The following PTTG1IP2 variants were observed in gnomAD, a reference collection of about 807,000 sequenced individuals.
The protein encoded by PTTG1IP2 is PTTG1IP family member 2.
At chr7:90,482,118 T>G (rs960733731) in intron 2 of PTTG1IP2, among the ~76,000 whole-genome samples, 1 of 152,112 alleles carries the variant, frequency 6.6e-6, no homozygotes, top group African/African-American at 2.4e-5. Flanking sequence ...TCCCAGAAGT[T>G]GGAAGGATGC....
chr7:90,502,402 C>T (rs956577011), intron 6 of PTTG1IP2, among the ~76,000 whole-genome samples: 5 of 152,228 alleles, frequency 3.3e-5, no homozygotes, highest in Admixed American at 2.6e-4. Flanking sequence ...TTTTGACATC[C>T]TCCCATGAAT....
chr7:90,487,107 G>C (rs1751971760), intron 2 of PTTG1IP2, among the ~76,000 whole-genome samples: 1 of 152,200 alleles, frequency 6.6e-6, no homozygotes, highest in Non-Finnish European at 1.5e-5. Flanking sequence ...AAGAAGAGGG[G>C]AAGCTGTGAG....
intron 2 of PTTG1IP2, among the ~76,000 whole-genome samples, 171 bp downstream of exon 2, chr7:90,479,445 C>T (rs753992920): frequency 3.3e-5 from 5 of 151,732 alleles, no homozygotes; most frequent in African/African-American, 4.8e-5. Flanking sequence ...CTTTGAGGAT[C>T]TAGAAATAAA....
At chr7:90,474,183 G>A (rs1309496435) in intron 1 of PTTG1IP2, among the ~76,000 whole-genome samples, 1 of 152,150 alleles carries the variant, frequency 6.6e-6, no homozygotes, top group East Asian at 1.9e-4. Context: ...AATACTGCAG[G>A]CAATTGTAAC....
intron 1 of PTTG1IP2, among the ~76,000 whole-genome samples, chr7:90,475,743 G>A (rs1042042696): frequency 2.3e-4 from 35 of 152,090 alleles, no homozygotes; most frequent in African/African-American, 8.4e-4. Flanking sequence ...GGTGGATCAC[G>A]AGGTCAGGAG....
chr7:90,482,049 A>G (rs1468844833), intron 2 of PTTG1IP2, among the ~76,000 whole-genome samples: 1 of 152,196 alleles, frequency 6.6e-6, no homozygotes, highest in Non-Finnish European at 1.5e-5. Context: ...ACTAAAAGAT[A>G]ATTCCACATG....
chr7:90,480,697 C>A (rs1797806343), intron 2 of PTTG1IP2, among the ~76,000 whole-genome samples: 1 of 152,072 alleles, frequency 6.6e-6, no homozygotes, highest in Non-Finnish European at 1.5e-5. Context: ...ATAAATTTGT[C>A]TTGTTGAGTC....
At chr7:90,475,085 A>C (rs968167040) in intron 1 of PTTG1IP2, among the ~76,000 whole-genome samples, 3 of 152,180 alleles carry the variant, frequency 2.0e-5, no homozygotes, top group Non-Finnish European at 4.4e-5. Flanking sequence ...CCTGCCCCCA[A>C]GTCCCATGGA....
At chr7:90,473,729 T>C (rs1797715770) in intron 1 of PTTG1IP2, among the ~76,000 whole-genome samples, 1 of 152,192 alleles carries the variant, frequency 6.6e-6, no homozygotes, top group South Asian at 2.1e-4. Context: ...TGTACTTAGC[T>C]GCGCCTCTCT....
At chr7:90,480,041 C>T (rs1797798163) in intron 2 of PTTG1IP2, among the ~76,000 whole-genome samples, 1 of 152,186 alleles carries the variant, frequency 6.6e-6, no homozygotes, top group Non-Finnish European at 1.5e-5. Context: ...CCAGTTCATA[C>T]TACCATTGCC....
chr7:90,508,499 A>G (rs1798150718), intron 6 of PTTG1IP2, among the ~76,000 whole-genome samples: 4 of 152,054 alleles, frequency 2.6e-5, no homozygotes, highest in African/African-American at 7.3e-5. Flanking sequence ...TCGGGGGAGG[A>G]ATCAGAATAA....
Position 90,479,270 on chromosome 7 carries a change from A to T in PTTG1IP2, c.188A>T (p.Lys63Met), listed in dbSNP as rs1451257199. The change falls in exon 2 of 7, where the codon AAG (lysine) becomes ATG (methionine). Residue 63 changes from lysine (K) to methionine (M), a missense_variant. Coordinates refer to ENST00000509356, the MANE Select transcript of PTTG1IP2 (RefSeq NM_001365443.2). ...KKSCQLCTED[K>M]KCVWCSEEKA... ...AGTTGTCAATTGTGCACAGAAGATA[A>T]GAAAGTAAGTTAACTTTCTTATGAG... 6.6e-6 allele frequency: 1 copy of T among 152,648 alleles called. No homozygotes were observed. The allele number at this position is 152,648 out of a possible 1,614,324, so 9.5% of individuals were successfully genotyped here. A position where few individuals can be genotyped will look rare whatever the true frequency, so the allele number is the denominator to read the frequency against.
At chr7:90,484,351 T>C (rs1388924219) in intron 2 of PTTG1IP2, among the ~76,000 whole-genome samples, 1 of 152,142 alleles carries the variant, frequency 6.6e-6, no homozygotes, top group Non-Finnish European at 1.5e-5. Context: ...TTGATTTTAA[T>C]GATATTTTTA....
At position 90,482,276 on chromosome 7, in the gene PTTG1IP2, T is replaced by C. The variant is rs183603570; in HGVS notation, c.192+3002T>C. Among the ~76,000 whole-genome samples, 14 of 152,284 alleles carry C rather than the reference T, an allele frequency of 9.2e-5. No homozygotes were observed. In the East Asian group the frequency reaches 2.7e-3, roughly 29 times the overall value. ...AAACAGATGTCTTGGTATATTGTGC[T>C]ACTTTATGTCCACTTCTCCGTGGAC... On this transcript the variant is annotated intron_variant, in intron 2 of 6. Coordinates refer to ENST00000509356, the MANE Select transcript of PTTG1IP2 (RefSeq NM_001365443.2).
intron 4 of PTTG1IP2, among the ~76,000 whole-genome samples, chr7:90,489,714 T>G (rs752451424): frequency 1.6e-4 from 24 of 151,962 alleles, no homozygotes; most frequent in Non-Finnish European, 2.7e-4. Flanking sequence ...TATACATGAT[T>G]GTATAAATGT....
intron 1 of PTTG1IP2, among the ~76,000 whole-genome samples, chr7:90,473,478 G>A (rs1227731611): frequency 1.3e-5 from 2 of 152,124 alleles, no homozygotes; most frequent in African/African-American, 4.8e-5. Context: ...GCATCCCCAA[G>A]GTAAATGGGG....
chr7:90,499,127 C>G (rs771809340), intron 6 of PTTG1IP2, among the ~76,000 whole-genome samples: 13 of 152,202 alleles, frequency 8.5e-5, no homozygotes, highest in Admixed American at 2.0e-4. Context: ...GCTGGAATTA[C>G]AGGCATGAGC....
intron 6 of PTTG1IP2, among the ~76,000 whole-genome samples, chr7:90,497,713 T>A (rs1798010941): frequency 8.1e-5 from 4 of 49,594 alleles, no homozygotes; most frequent in East Asian, 7.6e-4. Context: ...AAAGACCCTG[T>A]ATAAAAAAAA....
At chr7:90,470,589 G>T (rs980722318) in intron 1 of PTTG1IP2, among the ~76,000 whole-genome samples, 1 of 152,182 alleles carries the variant, frequency 6.6e-6, no homozygotes, top group Non-Finnish European at 1.5e-5. Flanking sequence ...TTCCAGAGTA[G>T]AAAAGAATGT....
Sources: allele counts gnomAD v4.1 joint callset (sites outside exome capture counted in the v4.1 genomes callset), GRCh38; gene constraint gnomAD v4.1.1; transcripts MANE v1.5; gene names NCBI Gene and HGNC (gene_info 2026-07-23, HGNC 2026-07-21).